GRIA4: variants seen among roughly 807,000 people sequenced by gnomAD.
The protein encoded by GRIA4 is glutamate receptor 4.
GRIA4 carries 34 observed loss-of-function variants against 104.0 expected under a neutral mutation model. The observed-to-expected ratio is 0.33, with a 90% CI of 0.25 to 0.44. The LOEUF is 0.44. Ranked by LOEUF, GRIA4 falls within the 20% of genes least tolerant of loss-of-function variation. The pLI is 1.00. For synonymous variants in GRIA4, 386 were observed against 381.9 expected (o/e 1.01, Z -0.13); for missense variants, 750 against 1,096.5 (o/e 0.68, Z 4.46).
At chr11:105,922,343 T>A (rs1228496925) in intron 11 of GRIA4, among the ~76,000 whole-genome samples, 1 of 152,136 alleles carries the variant, frequency 6.6e-6, no homozygotes, top group Non-Finnish European at 1.5e-5. Context: ...GTGCTGGGGA[T>A]GGTAGAAATT....
intron 3 of GRIA4, among the ~76,000 whole-genome samples, chr11:105,687,763 A>G (rs1316533234): frequency 1.3e-5 from 2 of 152,218 alleles, no homozygotes; most frequent in Non-Finnish European, 2.9e-5. Context: ...AGAGCTAGGC[A>G]GAAAACACTT....
chr11:105,694,726 T>C (rs1953208418), intron 3 of GRIA4, among the ~76,000 whole-genome samples: 1 of 152,118 alleles, frequency 6.6e-6, no homozygotes, highest in African/African-American at 2.4e-5. Flanking sequence ...CATAAATGTT[T>C]TTTAGAATGT....
At chr11:105,792,835 C>T (rs1565239805) in intron 4 of GRIA4, among the ~76,000 whole-genome samples, 1 of 151,980 alleles carries the variant, frequency 6.6e-6, no homozygotes, top group African/African-American at 2.4e-5. Context: ...GGAGACAGAC[C>T]CTAAATGAGT....
At chr11:105,678,557 C>T (rs1268017252) in intron 3 of GRIA4, among the ~76,000 whole-genome samples, 2 of 152,056 alleles carry the variant, frequency 1.3e-5, no homozygotes, top group Non-Finnish European at 2.9e-5. Flanking sequence ...TTGTATTCTA[C>T]ACTTATTTAA....
intron 4 of GRIA4, among the ~76,000 whole-genome samples, chr11:105,781,950 T>A (rs993458365): frequency 6.6e-6 from 1 of 152,168 alleles, no homozygotes; most frequent in Admixed American, 6.6e-5. Context: ...CAGTACCCCT[T>A]TGTTAATTGT....
intron 3 of GRIA4, among the ~76,000 whole-genome samples, chr11:105,679,465 C>T (rs567016042): frequency 1.4e-3 from 220 of 152,184 alleles, no homozygotes; most frequent in South Asian, 3.7e-3. Flanking sequence ...TCCAAATATA[C>T]GCAATAACAA....
chr11:105,855,010 T>C (rs1944959490), intron 4 of GRIA4, among the ~76,000 whole-genome samples: 1 of 152,218 alleles, frequency 6.6e-6, no homozygotes, highest in Admixed American at 6.5e-5. Flanking sequence ...TAAAGCATAA[T>C]GTAGTTTATG....
At chr11:105,843,121 T>A (rs1944456395) in intron 4 of GRIA4, among the ~76,000 whole-genome samples, 1 of 152,334 alleles carries the variant, frequency 6.6e-6, no homozygotes, top group East Asian at 1.9e-4. Flanking sequence ...TTCATTTGTT[T>A]GTTTTTAAGA....
At chr11:105,899,517 T>C (rs1946782215) in intron 7 of GRIA4, among the ~76,000 whole-genome samples, 1 of 152,236 alleles carries the variant, frequency 6.6e-6, no homozygotes, top group Admixed American at 6.5e-5. Flanking sequence ...TTCTCTTTGT[T>C]ATATAATCCT....
intron 3 of GRIA4, among the ~76,000 whole-genome samples, chr11:105,691,023 C>T (rs1171182475): frequency 6.6e-6 from 1 of 151,996 alleles, no homozygotes; most frequent in African/African-American, 2.4e-5. Flanking sequence ...TGGCCATTCT[C>T]TTATATGGAG....
At chr11:105,807,450 A>G (rs974729598) in intron 4 of GRIA4, among the ~76,000 whole-genome samples, 4 of 151,956 alleles carry the variant, frequency 2.6e-5, no homozygotes, top group Non-Finnish European at 5.9e-5. Context: ...AGAAATTTAT[A>G]AAGAAGTCAA....
At chr11:105,646,677 T>C (rs1951538816) in intron 3 of GRIA4, among the ~76,000 whole-genome samples, 1 of 152,098 alleles carries the variant, frequency 6.6e-6, no homozygotes, top group Admixed American at 6.6e-5. Context: ...AGCTGACAAA[T>C]ATAAGCAATG....
intron 3 of GRIA4, among the ~76,000 whole-genome samples, chr11:105,657,834 A>G (rs1263728842): frequency 6.6e-6 from 1 of 151,982 alleles, no homozygotes; most frequent in East Asian, 1.9e-4. Context: ...AAAAAATAAG[A>G]TTCAAATATT....
chr11:105,817,747 T>C (rs1943436390), intron 4 of GRIA4, among the ~76,000 whole-genome samples: 1 of 152,156 alleles, frequency 6.6e-6, no homozygotes, highest in Non-Finnish European at 1.5e-5. Context: ...TCTTGCCTAC[T>C]TGTGCCTTCT....
intron 3 of GRIA4, among the ~76,000 whole-genome samples, chr11:105,644,605 A>T (rs1951472174): frequency 6.6e-6 from 1 of 152,182 alleles, no homozygotes; most frequent in Non-Finnish European, 1.5e-5. Flanking sequence ...CTCCATCTCA[A>T]AAACTAAATT....
chr11:105,612,105 CTAAA>C (rs1400677893), intron 2 of GRIA4, among the ~76,000 whole-genome samples, 167 bp from the exon 3 acceptor site: 1 of 152,098 alleles, frequency 6.6e-6, no homozygotes, highest in Non-Finnish European at 1.5e-5. Context: ...GCTCTAAAGA[CTAAA>C]TACTAAGCAT....
At chr11:105,779,763 T>C (rs939327540) in intron 4 of GRIA4, among the ~76,000 whole-genome samples, 1 of 152,276 alleles carries the variant, frequency 6.6e-6, no homozygotes, top group South Asian at 2.1e-4. Flanking sequence ...CTTCAAACTA[T>C]ACTACAAGGC....
intron 3 of GRIA4, among the ~76,000 whole-genome samples, chr11:105,662,007 TTGTGTGTG>T (rs34715406): frequency 4.7e-5 from 7 of 149,852 alleles, no homozygotes; most frequent in Admixed American, 2.7e-4. Context: ...GTGTGTGTGT[TTGTGTGTG>T]TGTGTGTGTG....
At chr11:105,837,251 C>T (rs994057180) in intron 4 of GRIA4, among the ~76,000 whole-genome samples, 2 of 152,072 alleles carry the variant, frequency 1.3e-5, no homozygotes, top group African/African-American at 4.8e-5. Context: ...GATTACAATT[C>T]GAGATGAGAT....
Sources: gnomAD v4.1 joint callset for allele counts (sites outside exome capture counted in the v4.1 genomes callset) on GRCh38, gnomAD v4.1.1 for gene constraint, MANE v1.5 for transcripts, NCBI Gene and HGNC (gene_info 2026-07-23, HGNC 2026-07-21) for gene names.